The following GPC6 variants were observed in gnomAD, a reference collection of about 807,000 sequenced individuals.
GPC6 encodes the protein glypican 6.
In GPC6, 14 loss-of-function variants were observed where a neutral mutation model predicts 55.2. The observed-to-expected ratio is 0.25, with a 90% CI of 0.17 to 0.40. The LOEUF is 0.40. Ranked by LOEUF, GPC6 falls within the 10% of genes least tolerant of loss-of-function variation. The pLI is 1.00. For synonymous variants in GPC6, 278 were observed against 259.6 expected (o/e 1.07, Z -0.68); for missense variants, 641 against 708.5 (o/e 0.90, Z 1.08).
intron 6 of GPC6, among the ~76,000 whole-genome samples, chr13:94,362,176 TTG>T (rs1280333773): frequency 1.3e-5 from 2 of 152,178 alleles, no homozygotes; most frequent in Non-Finnish European, 2.9e-5. Context: ...ACAAAGAATT[TTG>T]TGTCAGGGGG....
chr13:93,439,345 G>A (rs1877689276), intron 1 of GPC6, among the ~76,000 whole-genome samples: 1 of 152,092 alleles, frequency 6.6e-6, no homozygotes, highest in South Asian at 2.1e-4. Flanking sequence ...TCTGGTGGGA[G>A]GTAATTGAAT....
rs148004243 is a variant in GPC6 at position 93,300,851 on chromosome 13, C to T, written c.160+73235C>T. 2.8e-3 allele frequency among the ~76,000 whole-genome samples: 418 copies of T among 151,702 alleles called. 6 individuals carry two copies. Among genetic ancestry groups the T allele is most frequent in the African/African-American group, 9.8e-3 (406 of 41,334 alleles). ...TCTGACCAACATGAAGAAACTCCAT[C>T]TCTACTAAAAATACAAAATTATCCA... On this transcript the variant is annotated intron_variant, in intron 1 of 8. Coordinates refer to ENST00000377047, the MANE Select transcript of GPC6 (RefSeq NM_005708.5).
At chr13:93,962,460 T>C (rs1275462119) in intron 3 of GPC6, among the ~76,000 whole-genome samples, 4 of 152,130 alleles carry the variant, frequency 2.6e-5, no homozygotes, top group African/African-American at 7.2e-5. Context: ...GATTCTCTCT[T>C]GTTCATACTA....
chr13:93,299,179 T>C (rs1390639747), intron 1 of GPC6, among the ~76,000 whole-genome samples: 1 of 152,202 alleles, frequency 6.6e-6, no homozygotes, highest in Non-Finnish European at 1.5e-5. Flanking sequence ...TTTAAGTGAC[T>C]ATCTGCCACT....
chr13:93,475,668 G>C (rs1430367997), intron 1 of GPC6, among the ~76,000 whole-genome samples: 1 of 152,136 alleles, frequency 6.6e-6, no homozygotes, highest in East Asian at 1.9e-4. Flanking sequence ...TAGGGAGAAA[G>C]AGATTAATTC....
intron 3 of GPC6, among the ~76,000 whole-genome samples, chr13:93,878,477 C>G (rs1383903166): frequency 3.3e-5 from 5 of 151,160 alleles, no homozygotes. Flanking sequence ...TCTCCTGGGT[C>G]AAGTGATTCT....
At position 94,405,588 on chromosome 13, in the gene GPC6, T is replaced by C. The variant is rs1318320003; in HGVS notation, c.*2371T>C. The C allele has an allele frequency of 6.6e-6, 1 of 152,174 alleles. No individual in the cohort carries two copies. Among genetic ancestry groups the C allele is most frequent in the Admixed American group, 6.5e-5 (1 of 15,284 alleles). 9.4% of individuals were successfully genotyped at this position (152,174 alleles called of 1,614,324 possible). A position where few individuals can be genotyped will look rare whatever the true frequency, so the allele number is the denominator to read the frequency against. On this transcript the variant is annotated 3_prime_UTR_variant, in exon 9 of 9. Transcript: ENST00000377047. The stretch of plus-strand genomic sequence containing the variant: ...TCCTGTGCTTTCACCCCCAAAAGGT[T>C]TTGTGCATGTGTATGAATACACATA...
chr13:94,184,074 C>G (rs1889089673), intron 4 of GPC6, among the ~76,000 whole-genome samples: 1 of 152,084 alleles, frequency 6.6e-6, no homozygotes, highest in Non-Finnish European at 1.5e-5. Flanking sequence ...CGGTTTCATT[C>G]TGCATATGGC....
intron 3 of GPC6, among the ~76,000 whole-genome samples, chr13:93,994,833 A>G (rs1266677358): frequency 6.6e-6 from 1 of 152,200 alleles, no homozygotes; most frequent in Non-Finnish European, 1.5e-5. Context: ...TTATTTCTTC[A>G]TCTAATAAAC....
In GPC6 at chr13:94,217,455, T is replaced by C. The variant is rs1890258533; in HGVS notation, c.878-68894T>C. On this transcript the variant is annotated intron_variant, in intron 4 of 8. Coordinates refer to ENST00000377047, the MANE Select transcript of GPC6 (RefSeq NM_005708.5). ...AGACAATAATAAATGGGAATCTATA[T>C]GCTAATTGCAGCCCATGGTGAATCC... is the stretch of plus-strand genomic sequence containing the variant. Among the ~76,000 whole-genome samples the C allele has an allele frequency of 2.0e-5, 3 of 152,190 alleles. No individual in the cohort carries two copies. In the South Asian group the frequency reaches 6.2e-4, roughly 32 times the overall value.
intron 2 of GPC6, among the ~76,000 whole-genome samples, chr13:93,668,960 A>G (rs1275268224): frequency 2.0e-5 from 3 of 152,214 alleles, no homozygotes. Context: ...TGTTATTCGA[A>G]TAAGATAATT....
intron 3 of GPC6, among the ~76,000 whole-genome samples, chr13:93,999,064 T>C (rs1256200614): frequency 6.6e-6 from 1 of 152,148 alleles, no homozygotes; most frequent in African/African-American, 2.4e-5. Context: ...AGTTCTGGGG[T>C]ACATGTGCAG....
At chr13:93,390,808 A>G (rs1028808478) in intron 1 of GPC6, among the ~76,000 whole-genome samples, 2 of 151,916 alleles carry the variant, frequency 1.3e-5, no homozygotes, top group African/African-American at 4.8e-5. Flanking sequence ...CATTAAAAAA[A>G]AAAAATCTTG....
At chr13:93,866,877 T>C (rs866034700) in intron 3 of GPC6, among the ~76,000 whole-genome samples, 62 of 151,888 alleles carry the variant, frequency 4.1e-4, no homozygotes, top group Admixed American at 1.6e-3. Flanking sequence ...AAAGTTTTTC[T>C]AAAAATTGTT....
At chr13:93,517,883 A>G (rs891091483) in intron 1 of GPC6, among the ~76,000 whole-genome samples, 4 of 152,026 alleles carry the variant, frequency 2.6e-5, no homozygotes, top group Admixed American at 1.3e-4. Flanking sequence ...AGTCTATTCA[A>G]TGCTTAAAAT....
chr13:93,814,270 G>C (rs1566548796), intron 2 of GPC6, among the ~76,000 whole-genome samples: 1 of 152,210 alleles, frequency 6.6e-6, no homozygotes, highest in East Asian at 1.9e-4. Context: ...CATATTTCTA[G>C]AAAAATGTTA....
intron 3 of GPC6, among the ~76,000 whole-genome samples, chr13:93,994,187 G>A (rs1881435542): frequency 1.3e-5 from 2 of 152,024 alleles, no homozygotes; most frequent in Admixed American, 1.3e-4. Flanking sequence ...CTGTTTTCCT[G>A]TTTACAAATT....
At chr13:93,961,783 A>G (rs929273090) in intron 3 of GPC6, among the ~76,000 whole-genome samples, 1 of 151,074 alleles carries the variant, frequency 6.6e-6, no homozygotes, top group African/African-American at 2.5e-5. Flanking sequence ...TTTTAGTGCT[A>G]TTTTAAGTTG....
intron 2 of GPC6, among the ~76,000 whole-genome samples, chr13:93,640,261 C>A (rs1322183391): frequency 6.6e-6 from 1 of 150,782 alleles, no homozygotes; most frequent in Non-Finnish European, 1.5e-5. Context: ...ATAGTATACA[C>A]CATTGGAGAT....
Sources: gnomAD v4.1 joint callset for allele counts (sites outside exome capture counted in the v4.1 genomes callset) on GRCh38, gnomAD v4.1.1 for gene constraint, MANE v1.5 for transcripts, NCBI Gene and HGNC (gene_info 2026-07-23, HGNC 2026-07-21) for gene names.